The following CTNNA3 variants were observed in gnomAD, a reference collection of about 807,000 sequenced individuals.
CTNNA3 encodes the protein catenin alpha-3.
In CTNNA3, 76 loss-of-function variants were observed where a neutral mutation model predicts 95.7. The ratio of observed to expected loss-of-function variants is 0.79; its 90% CI spans 0.66 to 0.96. CTNNA3 has a LOEUF of 0.96. Ranked by LOEUF, CTNNA3 falls within the 40% of genes least tolerant of loss-of-function variation. The pLI is 0.00. For missense variants in CTNNA3, 1,191 were observed against 1,089.8 expected (o/e 1.09, Z -1.31); for synonymous variants, 431 against 374.4 (o/e 1.15, Z -1.74).
At chr10:66,257,074 C>T (rs566697295) in intron 13 of CTNNA3, among the ~76,000 whole-genome samples, 46 of 152,232 alleles carry the variant, frequency 3.0e-4, no homozygotes, top group African/African-American at 8.7e-4. Context: ...AGAATGGGGA[C>T]GAGGGCAATG....
At chr10:66,275,312 T>C (rs1374744780) in intron 13 of CTNNA3, among the ~76,000 whole-genome samples, 1 of 152,170 alleles carries the variant, frequency 6.6e-6, no homozygotes, top group African/African-American at 2.4e-5. Context: ...GAGATGAGGC[T>C]TCATCATGTT....
chr10:66,695,126 C>T (rs2132551433), intron 9 of CTNNA3, among the ~76,000 whole-genome samples: 1 of 152,236 alleles, frequency 6.6e-6, no homozygotes, highest in Admixed American at 6.5e-5. Flanking sequence ...GAAATAATGC[C>T]AGAGATATTT....
intron 5 of CTNNA3, among the ~76,000 whole-genome samples, chr10:67,252,028 G>A (rs189526608): frequency 7.2e-4 from 110 of 152,070 alleles, no homozygotes; most frequent in African/African-American, 1.3e-3. Context: ...TGGCCAACAC[G>A]GTGAAACTCT....
At chr10:67,623,211 C>A (rs1397590145) in intron 2 of CTNNA3, among the ~76,000 whole-genome samples, 1 of 152,122 alleles carries the variant, frequency 6.6e-6, no homozygotes, top group Non-Finnish European at 1.5e-5. Context: ...CAGAAAGCAA[C>A]CACAAACAAA....
At chr10:66,738,309 C>A (rs529347844) in intron 9 of CTNNA3, among the ~76,000 whole-genome samples, 3 of 152,242 alleles carry the variant, frequency 2.0e-5, no homozygotes, top group African/African-American at 7.2e-5. Flanking sequence ...AAGTCACTGA[C>A]TGCATTTCAT....
chr10:66,518,077 TC>T (rs1457437931), intron 11 of CTNNA3, among the ~76,000 whole-genome samples: 2 of 152,126 alleles, frequency 1.3e-5, no homozygotes, highest in African/African-American at 4.8e-5. Flanking sequence ...ATATCAAACA[TC>T]TAGGTATATG....
intron 7 of CTNNA3, among the ~76,000 whole-genome samples, chr10:66,863,072 C>A (rs1034781592): frequency 1.3e-5 from 2 of 151,868 alleles, no homozygotes; most frequent in South Asian, 2.1e-4. Flanking sequence ...GTTCTTAAAC[C>A]TTTGGACTCA....
In CTNNA3 at chr10:66,560,270, G is replaced by A. The variant is rs182509600; in HGVS notation, c.1375-39497C>T. Among the ~76,000 whole-genome samples, 42 of 152,094 alleles carry A rather than the reference G, an allele frequency of 2.8e-4. No homozygotes were observed. The East Asian group carries it at 7.7e-3, about 28-fold the overall frequency. ...AGGTTTTGAATTTGGAGATAGAAACGTGAGCGAATTTTATAACTTTTTGAG... is the reference window on the plus strand; with the variant it reads ...AGGTTTTGAATTTGGAGATAGAAACATGAGCGAATTTTATAACTTTTTGAG... On this transcript the variant is annotated intron_variant, in intron 10 of 17. Coordinates refer to ENST00000433211, the MANE Select transcript of CTNNA3 (RefSeq NM_013266.4).
chr10:67,501,301 T>C (rs555793147), intron 5 of CTNNA3, among the ~76,000 whole-genome samples: 78 of 152,346 alleles, frequency 5.1e-4, no homozygotes, highest in African/African-American at 1.7e-3. Flanking sequence ...CCCACTCTCT[T>C]CTGGCTTGTA....
At chr10:67,437,761 AG>A (rs1846352634) in intron 5 of CTNNA3, among the ~76,000 whole-genome samples, 1 of 151,966 alleles carries the variant, frequency 6.6e-6, no homozygotes, top group Non-Finnish European at 1.5e-5. Context: ...AAATGAAAAT[AG>A]GAAAAAAGAG....
At chr10:66,475,215 T>C (rs571503588) in intron 11 of CTNNA3, among the ~76,000 whole-genome samples, 3 of 152,164 alleles carry the variant, frequency 2.0e-5, no homozygotes, top group South Asian at 4.1e-4. Flanking sequence ...GATATCCACA[T>C]ACAGAAGAAC....
intron 7 of CTNNA3, among the ~76,000 whole-genome samples, chr10:66,911,266 A>G (rs1437804288): frequency 1.3e-5 from 2 of 152,248 alleles, no homozygotes; most frequent in Non-Finnish European, 2.9e-5. Context: ...AAAGAATGCC[A>G]TGCATTAAAT....
intron 6 of CTNNA3, among the ~76,000 whole-genome samples, chr10:67,194,424 C>T (rs566708649): frequency 1.3e-5 from 2 of 152,028 alleles, no homozygotes; most frequent in South Asian, 4.2e-4. Context: ...ATAGAGGAAA[C>T]TTAAATGCAT....
chr10:67,451,499 C>T (rs997686590), intron 5 of CTNNA3, among the ~76,000 whole-genome samples: 1 of 151,896 alleles, frequency 6.6e-6, no homozygotes, highest in Non-Finnish European at 1.5e-5. Flanking sequence ...ACTAAAATCC[C>T]AAAAGATAAG....
rs559460238 is a variant in CTNNA3 at position 66,084,638 on chromosome 10, T to G, written c.1978-15149A>C. Among the ~76,000 whole-genome samples the G allele has an allele frequency of 1.5e-4, 23 of 152,304 alleles. 1 individual carries two copies. In the South Asian group the frequency reaches 4.8e-3, roughly 32 times the overall value. On this transcript the variant is annotated intron_variant, in intron 14 of 17. Transcript: ENST00000433211. Reference sequence around the variant, plus strand: ...CTTGATTAGTTGAAAATGTTTTATCTGTATACACACTGAATTTTTCTATTT... The same window carrying G: ...CTTGATTAGTTGAAAATGTTTTATCGGTATACACACTGAATTTTTCTATTT...
In CTNNA3 at chr10:66,797,182, A is replaced by T. The variant is rs538272533; in HGVS notation, c.1048-21658T>A. 5.5e-4 allele frequency among the ~76,000 whole-genome samples: 83 copies of T among 152,048 alleles called. 1 individual carries two copies. In the Middle Eastern group the frequency reaches 0.02, roughly 37 times the overall value. ...TATTTATTCTCAGTGTTTATTCCCA[A>T]TTCCTCAGTCCCAACTAAAGGTCTA... On this transcript the variant is annotated intron_variant, in intron 7 of 17. Coordinates refer to ENST00000433211, the MANE Select transcript of CTNNA3 (RefSeq NM_013266.4).
intron 13 of CTNNA3, among the ~76,000 whole-genome samples, chr10:66,231,630 T>A (rs1589800830): frequency 6.6e-6 from 1 of 152,318 alleles, no homozygotes; most frequent in South Asian, 2.1e-4. Flanking sequence ...CACATTCATT[T>A]CAGGGTAAAG....
intron 9 of CTNNA3, among the ~76,000 whole-genome samples, chr10:66,671,535 G>A (rs1336822786): frequency 6.6e-6 from 1 of 152,130 alleles, no homozygotes; most frequent in Non-Finnish European, 1.5e-5. Flanking sequence ...AATGAAAATG[G>A]CCGATTTTAA....
chr10:67,616,465 G>T (rs1394948057), intron 2 of CTNNA3, among the ~76,000 whole-genome samples: 2 of 152,218 alleles, frequency 1.3e-5, no homozygotes, highest in Non-Finnish European at 2.9e-5. Context: ...CCCAAGTGAA[G>T]ACCACACTGG....
Sources: gnomAD v4.1 joint callset for allele counts (sites outside exome capture counted in the v4.1 genomes callset) on GRCh38, gnomAD v4.1.1 for gene constraint, MANE v1.5 for transcripts, NCBI Gene and HGNC (gene_info 2026-07-23, HGNC 2026-07-21) for gene names.